Variants in TMTC4 observed in about 807,000 individuals in gnomAD.
The protein encoded by TMTC4 is transmembrane O-mannosyltransferase targeting cadherins 4, also known as protein O-mannosyl-transferase TMTC4.
TMTC4 carries 65 observed loss-of-function variants against 86.0 expected under a neutral mutation model. That is an observed-to-expected ratio of 0.76 (90% CI 0.62 to 0.93). The LOEUF is 0.93. Among genes scored for constraint, TMTC4 ranks in the 40% least tolerant of loss-of-function variants. The pLI is 0.00. For missense variants in TMTC4, 866 were observed against 948.1 expected, an observed-to-expected ratio of 0.91 and a Z score of 1.14; for synonymous variants, 379 against 382.5, an observed-to-expected ratio of 0.99 and a Z score of 0.11.
At chr13:100,671,673 A>C (rs1405385623) in intron 1 of TMTC4, among the ~76,000 whole-genome samples, 5 of 151,982 alleles carry the variant, frequency 3.3e-5, no homozygotes, top group Non-Finnish European at 5.9e-5. Context: ...CTGCCCCTAC[A>C]TCATTTCCCA....
chr13:100,614,823 A>C, intron 15 of TMTC4: 1 of 622,112 alleles, frequency 1.6e-6, no homozygotes, highest in Non-Finnish European at 2.0e-6. Context: ...AAGCCTCATC[A>C]TTAGTCTTTT....
intron 3 of TMTC4, among the ~76,000 whole-genome samples, chr13:100,668,138 A>T (rs1255912601): frequency 1.3e-5 from 2 of 152,046 alleles, no homozygotes; most frequent in Non-Finnish European, 2.9e-5. Context: ...AGCGGCAGCC[A>T]GCTCCCTGCC....
intron 1 of TMTC4, chr13:100,673,215 C>A (rs2139088717): frequency 4.6e-6 from 3 of 654,522 alleles, no homozygotes; most frequent in African/African-American, 3.9e-5. Context: ...ACACAGGGAC[C>A]CCAGAAAAAC....
intron 7 of TMTC4, among the ~76,000 whole-genome samples, chr13:100,641,957 G>T (rs1411853505): frequency 6.6e-6 from 1 of 152,146 alleles, no homozygotes; most frequent in Non-Finnish European, 1.5e-5. Context: ...CACTCATCAT[G>T]GCTCCCTAAG....
intron 17 of TMTC4, among the ~76,000 whole-genome samples, chr13:100,607,483 C>T (rs901967163): frequency 6.6e-6 from 1 of 151,260 alleles, no homozygotes; most frequent in African/African-American, 2.4e-5. Context: ...CGCCACTGCA[C>T]TCCAGCCTGG....
chr13:100,672,363 T>C (rs1338080292), intron 1 of TMTC4, among the ~76,000 whole-genome samples: 1 of 152,160 alleles, frequency 6.6e-6, no homozygotes, highest in East Asian at 1.9e-4. Flanking sequence ...AGTGACCTTG[T>C]TCCCAACTCT....
At chr13:100,607,265 CCAACACTT>C (rs1876778735) in intron 17 of TMTC4, among the ~76,000 whole-genome samples, 1 of 152,142 alleles carries the variant, frequency 6.6e-6, no homozygotes, top group South Asian at 2.1e-4. Flanking sequence ...GCCTGTAATC[CCAACACTT>C]TGGGAAGCCA....
Position 100,674,777 on chromosome 13 carries a change from T to G in TMTC4, c.-241A>C. ...AGCCTGAGCCCCGGCCGCATCTCCC[T>G]CCCGGGTGCGGAAACTCTGGCGGCT... On this transcript the variant is annotated 5_prime_UTR_variant, in exon 1 of 19. Coordinates refer to ENST00000342624, the MANE Select transcript of TMTC4 (RefSeq NM_032813.5). The G allele has an allele frequency of 1.0e-6, 1 of 983,420 alleles. No homozygotes were observed. Among genetic ancestry groups the G allele is most frequent in the Non-Finnish European group, 1.2e-6 (1 of 829,196 alleles). 60.9% of individuals were successfully genotyped at this position (983,420 alleles called of 1,614,324 possible). A position where few individuals can be genotyped will look rare whatever the true frequency, so the allele number is the denominator to read the frequency against.
Position 100,637,728 on chromosome 13 carries a change from A to C in TMTC4, c.835-26T>G, listed in dbSNP as rs537617002. ...CTGCAAGGACATCGCAAAGCCCCAG[A>C]GGTGGCTGATTTTCACATAAAAGTG... On this transcript the variant is annotated intron_variant, in intron 8 of 18. Coordinates refer to ENST00000342624, the MANE Select transcript of TMTC4 (RefSeq NM_032813.5). The C allele has an allele frequency of 9.4e-6, 15 of 1,603,678 alleles. No homozygotes were observed. In the African/African-American group the frequency reaches 1.9e-4, roughly 20 times the overall value.
At chr13:100,674,798 C>G, upstream of TMTC4, 1 of 983,176 alleles carries the variant, frequency 1.0e-6, no homozygotes, top group Non-Finnish European at 1.2e-6. Flanking sequence ...GAAACTCTGG[C>G]GGCTCCAGGC....
rs2138885798 is a variant in TMTC4, at chr13:100,637,976, A to T, written c.788T>A (p.Val263Asp). 1 of 1,614,110 alleles carries T rather than the reference A, an allele frequency of 6.2e-7. No individual in the cohort carries two copies. The highest frequency in any genetic ancestry group is 2.2e-5 in the East Asian group (1 of 44,880). ...FDILVIGKFN[V>D]LEIVQKVLHK... ...TAGTACCTTCTGGACAATTTCCAGA[A>T]CATTGAATTTGCCTATCACCAAGAT... Residue 263 changes from valine (V) to aspartate (D), a missense_variant, in exon 8 of 19, where the codon GTT becomes GAT. Transcript: ENST00000342624.
At chr13:100,613,175 T>C (rs542535327) in intron 16 of TMTC4, among the ~76,000 whole-genome samples, 91 of 152,334 alleles carry the variant, frequency 6.0e-4, no homozygotes, top group African/African-American at 2.0e-3. Flanking sequence ...TACTGTGCAG[T>C]GGAACACTAG....
intron 6 of TMTC4, among the ~76,000 whole-genome samples, chr13:100,648,786 C>T (rs556816094): frequency 2.6e-5 from 4 of 152,294 alleles, no homozygotes; most frequent in East Asian, 1.9e-4. Context: ...CTCAAGCAAT[C>T]CTCCGGCCTC....
chr13:100,644,229 G>T (rs1158041007), intron 6 of TMTC4, among the ~76,000 whole-genome samples: 1 of 151,124 alleles, frequency 6.6e-6, no homozygotes, highest in African/African-American at 2.4e-5. Context: ...TCAGGCTCCC[G>T]AGTAGCTGGG....
At chr13:100,668,835 G>A (rs1220930852) in intron 2 of TMTC4, 41 bp from the exon 3 acceptor site, 1 of 1,597,624 alleles carries the variant, frequency 6.3e-7, no homozygotes, top group Non-Finnish European at 8.6e-7. Context: ...CATCAACACT[G>A]GTAGGACCGT....
At chr13:100,649,132 A>G (rs554293259) in intron 6 of TMTC4, among the ~76,000 whole-genome samples, 1 of 152,346 alleles carries the variant, frequency 6.6e-6, no homozygotes, top group South Asian at 2.1e-4. Context: ...TATGCAGTAT[A>G]TATGTGCATG....
At chr13:100,665,918 T>A (rs1678774851) in intron 3 of TMTC4, 1 of 430,786 alleles carries the variant, frequency 2.3e-6, no homozygotes, top group Non-Finnish European at 4.7e-6. Flanking sequence ...GTGAAGGTCA[T>A]GTGAGGCACC....
rs569653975 is a variant in TMTC4, at chr13:100,619,264, A to T, written c.1837-4834T>A. Among the ~76,000 whole-genome samples, 136 of 152,094 alleles carry T rather than the reference A, an allele frequency of 8.9e-4. 5 individuals are homozygous for T. In the South Asian group the frequency reaches 0.027, roughly 30 times the overall value. ...GCGGTTGTTGCTTCTTTTGAGAGGG[A>T]ATGTTAACATTGGTAACAGAATATA... is the stretch of plus-strand genomic sequence containing the variant. On this transcript the variant is annotated intron_variant, in intron 15 of 18. Transcript: ENST00000342624.
chr13:100,606,291 T>A (rs576187910), intron 18 of TMTC4, 67 bp downstream of exon 18: 3 of 1,335,208 alleles, frequency 2.2e-6, no homozygotes, highest in Non-Finnish European at 3.2e-6. Context: ...ATTAATTTTA[T>A]AGACATGCAC....
Sources: allele counts gnomAD v4.1 joint callset (sites outside exome capture counted in the v4.1 genomes callset), GRCh38; gene constraint gnomAD v4.1.1; transcripts MANE v1.5; gene names NCBI Gene and HGNC (gene_info 2026-07-23, HGNC 2026-07-21).